The following DNAJB14 variants were observed in gnomAD, a reference collection of about 807,000 sequenced individuals.
The protein encoded by DNAJB14 is dnaJ homolog subfamily B member 14.
DNAJB14 carries 22 observed loss-of-function variants against 48.4 expected under a neutral mutation model. The observed-to-expected ratio is 0.45, with a 90% confidence interval of 0.32 to 0.65. DNAJB14 has a LOEUF of 0.65. DNAJB14 is among the 30% of genes least tolerant of loss of function. The pLI, the probability that DNAJB14 is intolerant of heterozygous loss-of-function variation, is 0.03. For synonymous variants in DNAJB14, 142 were observed against 158.7 expected, an observed-to-expected ratio of 0.89 and a Z score of 0.79; for missense variants, 319 against 458.8, an observed-to-expected ratio of 0.70 and a Z score of 2.78.
chr4:99,936,338 A>G (rs1726672526), intron 1 of DNAJB14, among the ~76,000 whole-genome samples: 1 of 152,254 alleles, frequency 6.6e-6, no homozygotes, highest in South Asian at 2.1e-4. Context: ...CATTTTACTA[A>G]AAATGGAAGT....
At chr4:99,919,558 T>G (rs1225743094) in intron 3 of DNAJB14, among the ~76,000 whole-genome samples, 6 of 151,894 alleles carry the variant, frequency 4.0e-5, no homozygotes, top group Non-Finnish European at 8.8e-5. Context: ...CATTCCAGCC[T>G]GGGTGACAGA....
Position 99,901,119 on chromosome 4 carries a change from C to T in DNAJB14, c.1049G>A (p.Arg350His), listed in dbSNP as rs376648509. ...TGCCTTCCTTCGGAGTCGATCATCACGGTATACTTTTGCTGCATACTGCAT... is the reference window on the plus strand; with the variant it reads ...TGCCTTCCTTCGGAGTCGATCATCATGGTATACTTTTGCTGCATACTGCAT... The part of the protein sequence containing the change: ...TDMQYAAKVY[R>H]DDRLRRKADA... Residue 350 changes from arginine to histidine, a missense_variant, in exon 8 of 8, where the codon CGT (arginine) becomes CAT (histidine). Physicochemically the swap from Arg to His is conservative, Grantham distance 29. Around this residue, in one of 3 missense-constraint regions of DNAJB14, gnomAD observed 166 missense variants for 236.3 expected, o/e 0.70. Coordinates refer to ENST00000442697, the MANE Select transcript of DNAJB14 (RefSeq NM_001031723.4). 6.2e-5 allele frequency: 100 copies of T among 1,610,194 alleles called. No homozygotes were observed. The highest frequency in any genetic ancestry group is 1.3e-4 in the African/African-American group (10 of 74,664).
chr4:99,908,774 A>C lies in DNAJB14; in HGVS notation c.574T>G (p.Cys192Gly). 2 of 1,612,132 alleles carry C rather than the reference A, an allele frequency of 1.2e-6. No individual in the cohort carries two copies. The highest frequency in any genetic ancestry group is 1.7e-6 in the Non-Finnish European group (2 of 1,178,944). The change falls in exon 4 of 8, where the codon TGT (cysteine) becomes GGT (glycine). Residue 192 changes from cysteine (C) to glycine (G), a missense_variant. Around this residue, in one of 3 missense-constraint regions of DNAJB14, gnomAD observed 166 missense variants for 236.3 expected, o/e 0.70. Transcript: ENST00000442697. Reference protein sequence around the residue: ...NNGRFNFHRGCEADITPEDLF... With the variant: ...NNGRFNFHRGGEADITPEDLF... The stretch of plus-strand genomic sequence containing the variant: ...TCTTCTGGAGTTATATCAGCTTCAC[A>C]ACCTCTATGGAAATTAAATCTGCCA...
At chr4:99,905,519 G>C (rs1725431699) in intron 6 of DNAJB14, 78 bp downstream of exon 6, 1 of 1,089,608 alleles carries the variant, frequency 9.2e-7, no homozygotes, top group African/African-American at 1.6e-5. Context: ...AAGTTTAAAA[G>C]AGCACAAGCT....
At chr4:99,903,987 A>G in intron 6 of DNAJB14, 89 bp from the exon 7 acceptor site, 1 of 1,365,074 alleles carries the variant, frequency 7.3e-7, no homozygotes, top group Non-Finnish European at 1.0e-6. Context: ...ATTAAAAATC[A>G]TTGAAAAGTT....
chr4:99,913,240 G>A lies in DNAJB14; in HGVS notation c.452-4344C>T, dbSNP rs1170343747. Among the ~76,000 whole-genome samples the A allele has an allele frequency of 2.6e-5, 4 of 152,174 alleles. No individual in the cohort carries two copies. In the East Asian group the frequency reaches 7.7e-4, roughly 29 times the overall value. The stretch of plus-strand genomic sequence containing the variant: ...CTTTGTTGAATATGAGTGGTAAAGA[G>A]ATATTCTTGCTTTATTCTTGATCAT... On this transcript the variant is annotated intron_variant, in intron 3 of 7. Transcript: ENST00000442697.
chr4:99,926,913 T>C (rs1726279022), intron 2 of DNAJB14: 2 of 152,188 alleles, frequency 1.3e-5, no homozygotes, highest in African/African-American at 2.4e-5. Flanking sequence ...GAAGACTATG[T>C]ATTTGAAGTA....
chr4:99,937,421 T>G (rs772617824), intron 1 of DNAJB14, among the ~76,000 whole-genome samples: 1 of 151,984 alleles, frequency 6.6e-6, no homozygotes, highest in South Asian at 2.1e-4. Context: ...TCTCCTGATA[T>G]GTTACACTAA....
At chr4:99,901,593 TTTAC>T (rs990506189) in intron 7 of DNAJB14, among the ~76,000 whole-genome samples, 3 of 152,028 alleles carry the variant, frequency 2.0e-5, no homozygotes, top group South Asian at 4.1e-4. Context: ...TTGTTCTGAG[TTTAC>T]TTAAATTAAA....
chr4:99,908,921 G>T, intron 3 of DNAJB14, 25 bp from the exon 4 acceptor site: 1 of 1,458,580 alleles, frequency 6.9e-7, no homozygotes, highest in Non-Finnish European at 9.1e-7. Flanking sequence ...AGTAAAAGTT[G>T]GTAAGCAAAG....
chr4:99,910,647 G>C (rs1725625739), intron 3 of DNAJB14, among the ~76,000 whole-genome samples: 1 of 151,904 alleles, frequency 6.6e-6, no homozygotes, highest in Non-Finnish European at 1.5e-5. Flanking sequence ...GTACACATAA[G>C]ACAATTTATA....
chr4:99,938,006 C>G (rs531868800), intron 1 of DNAJB14, among the ~76,000 whole-genome samples: 1 of 148,178 alleles, frequency 6.7e-6, no homozygotes, highest in South Asian at 2.1e-4. Context: ...GCCTGTAATC[C>G]CAACACTTTG....
chr4:99,924,992 G>C, intron 2 of DNAJB14: 1 of 594,056 alleles, frequency 1.7e-6, no homozygotes, highest in Non-Finnish European at 3.0e-6. Flanking sequence ...GTTACTATTT[G>C]TTATGGACTG....
At chr4:99,937,740 C>G (rs1726731587) in intron 1 of DNAJB14, among the ~76,000 whole-genome samples, 1 of 151,648 alleles carries the variant, frequency 6.6e-6, no homozygotes, top group African/African-American at 2.4e-5. Flanking sequence ...ACACACGTCA[C>G]TTCCATAGTA....
At chr4:99,908,937 A>G in intron 3 of DNAJB14, 41 bp from the exon 4 acceptor site, 1 of 1,409,062 alleles carries the variant, frequency 7.1e-7, no homozygotes, top group Non-Finnish European at 9.4e-7. Flanking sequence ...CAAAGTTTTT[A>G]TATTATAAAA....
At chr4:99,935,048 T>C (rs1288849880) in intron 1 of DNAJB14, among the ~76,000 whole-genome samples, 3 of 150,756 alleles carry the variant, frequency 2.0e-5, no homozygotes, top group Non-Finnish European at 4.4e-5. Context: ...ATATTAACAG[T>C]AAAGATCCAA....
In DNAJB14 at chr4:99,896,670, TTTC is replaced by T. The variant is rs772477457; in HGVS notation, c.*4355_*4357del. ...AACTGCAAAATATCATTTATGTGTG[TTTC>T]TTCTCATTGGTTTAATCATCCTATT... On this transcript the variant is annotated 3_prime_UTR_variant, in exon 8 of 8. Transcript: ENST00000442697. 1 of 152,168 alleles carries T rather than the reference TTTC, an allele frequency of 6.6e-6. No individual in the cohort carries two copies. The highest frequency in any genetic ancestry group is 1.5e-5 in the Non-Finnish European group (1 of 67,992). The allele number at this position is 152,168 out of a possible 1,614,324, so 9.4% of individuals were successfully genotyped here. A position where few individuals can be genotyped will look rare whatever the true frequency, so the allele number is the denominator to read the frequency against.
chr4:99,922,323 T>C (rs957704481), intron 3 of DNAJB14, among the ~76,000 whole-genome samples: 1 of 152,176 alleles, frequency 6.6e-6, no homozygotes, highest in African/African-American at 2.4e-5. Context: ...CTGTAAACAT[T>C]ATACACTGGG....
intron 1 of DNAJB14, among the ~76,000 whole-genome samples, chr4:99,934,499 A>G (rs761378979): frequency 2.0e-5 from 3 of 152,086 alleles, no homozygotes; most frequent in Non-Finnish European, 4.4e-5. Context: ...AAATTACAAC[A>G]TCAGAAATTA....
Sources: gnomAD v4.1 joint callset for allele counts (sites outside exome capture counted in the v4.1 genomes callset) on GRCh38, gnomAD v4.1.1 for gene constraint, gnomAD v4.1.1 regional missense constraint, MANE v1.5 for transcripts, NCBI Gene and HGNC (gene_info 2026-07-23, HGNC 2026-07-21) for gene names.